The following TMEM178B variants were observed in gnomAD, a reference collection of about 807,000 sequenced individuals.
The protein encoded by TMEM178B is transmembrane protein 178B.
In TMEM178B, 5 loss-of-function variants were observed where a neutral mutation model predicts 31.0. The ratio of observed to expected loss-of-function variants is 0.16; its 90% CI spans 0.08 to 0.34. The LOEUF (loss-of-function observed/expected upper bound fraction) is 0.34. Among genes scored for constraint, TMEM178B ranks in the 10% least tolerant of loss-of-function variants. TMEM178B has a pLI of 1.00. For missense variants in TMEM178B, 275 were observed against 400.3 expected (o/e 0.69, Z 2.67); for synonymous variants, 164 against 164.0 (o/e 1.00, Z 0.00).
intron 2 of TMEM178B, among the ~76,000 whole-genome samples, chr7:141,243,098 G>A (rs545941999): frequency 8.5e-5 from 13 of 152,172 alleles, no homozygotes; most frequent in Admixed American, 2.0e-4. Flanking sequence ...TTTCATTCAC[G>A]TTAAATAAAG....
intron 2 of TMEM178B, among the ~76,000 whole-genome samples, chr7:141,374,483 A>G (rs1159704536): frequency 6.6e-6 from 1 of 152,218 alleles, no homozygotes; most frequent in Non-Finnish European, 1.5e-5. Flanking sequence ...GGAGAGAAGC[A>G]TACACAGGTG....
chr7:141,193,420 G>A (rs142628570), intron 1 of TMEM178B, among the ~76,000 whole-genome samples: 150 of 152,336 alleles, frequency 9.8e-4, no homozygotes, highest in Non-Finnish European at 1.8e-3. Flanking sequence ...TTATGCAGAG[G>A]AGTTGGGCAG....
chr7:141,197,440 G>A (rs1415615913), intron 1 of TMEM178B, among the ~76,000 whole-genome samples: 1 of 152,126 alleles, frequency 6.6e-6, no homozygotes, highest in African/African-American at 2.4e-5. Flanking sequence ...TTTCAGTTCT[G>A]TTTTTGAATT....
At chr7:141,300,350 A>G (rs1798702706) in intron 2 of TMEM178B, among the ~76,000 whole-genome samples, 1 of 152,122 alleles carries the variant, frequency 6.6e-6, no homozygotes. Context: ...CATGGGACTC[A>G]TGTATCTGTG....
At chr7:141,464,333 G>A (rs983308295) in intron 3 of TMEM178B, among the ~76,000 whole-genome samples, 2 of 152,174 alleles carry the variant, frequency 1.3e-5, no homozygotes, top group South Asian at 2.1e-4. Context: ...TATGACTCAC[G>A]CTCTTCCTAG....
At chr7:141,197,299 G>T (rs999117542) in intron 1 of TMEM178B, among the ~76,000 whole-genome samples, 4 of 152,154 alleles carry the variant, frequency 2.6e-5, no homozygotes, top group African/African-American at 9.7e-5. Context: ...ATTTGGCCAA[G>T]ATCCCATATC....
At chr7:141,083,345 C>T (rs951667214) in intron 1 of TMEM178B, among the ~76,000 whole-genome samples, 1 of 152,024 alleles carries the variant, frequency 6.6e-6, no homozygotes, top group Non-Finnish European at 1.5e-5. Flanking sequence ...ATTCTATAAA[C>T]TCCAAGCCCT....
intron 1 of TMEM178B, among the ~76,000 whole-genome samples, chr7:141,204,248 G>A (rs1401067852): frequency 6.6e-6 from 1 of 152,216 alleles, no homozygotes; most frequent in Non-Finnish European, 1.5e-5. Context: ...ACTACTGTGA[G>A]CGTCAGGTTC....
At chr7:141,372,622 A>G (rs765028070) in intron 2 of TMEM178B, among the ~76,000 whole-genome samples, 33 of 152,134 alleles carry the variant, frequency 2.2e-4, no homozygotes, top group Non-Finnish European at 2.8e-4. Context: ...CCTCATCTAT[A>G]TGGGTTTTAT....
rs770254952 is a variant in TMEM178B at position 141,169,625 on chromosome 7, A to G, written c.383-42966A>G. Among the ~76,000 whole-genome samples the G allele has an allele frequency of 4.4e-4, 67 of 152,254 alleles. 1 individual carries two copies. Among genetic ancestry groups the G allele is most frequent in the Middle Eastern group, 6.3e-3 (2 of 316 alleles). ...AAGAATCATCCACATGCTTGCTTGTAGCATTTCCTCAGTATTTATGGAGAA... is the reference window on the plus strand; with the variant it reads ...AAGAATCATCCACATGCTTGCTTGTGGCATTTCCTCAGTATTTATGGAGAA... On this transcript the variant is annotated intron_variant, in intron 1 of 3. Transcript: ENST00000565468.
intron 3 of TMEM178B, among the ~76,000 whole-genome samples, chr7:141,462,705 C>G (rs150687783): frequency 6.6e-6 from 1 of 151,926 alleles, no homozygotes; most frequent in Non-Finnish European, 1.5e-5. Flanking sequence ...GTGAAGGAGA[C>G]GGAGGAGGCA....
intron 2 of TMEM178B, among the ~76,000 whole-genome samples, chr7:141,436,631 G>T (rs1801546996): frequency 1.3e-5 from 2 of 152,034 alleles, no homozygotes; most frequent in East Asian, 3.9e-4. Flanking sequence ...GCCCGGAGCT[G>T]GTGGGGGCTG....
At chr7:141,080,876 A>T (rs1172802522) in intron 1 of TMEM178B, among the ~76,000 whole-genome samples, 1 of 152,118 alleles carries the variant, frequency 6.6e-6, no homozygotes. Context: ...GCAGCAACCC[A>T]TTACTCCTGT....
intron 2 of TMEM178B, among the ~76,000 whole-genome samples, chr7:141,299,758 G>C (rs989292270): frequency 6.6e-6 from 1 of 152,234 alleles, no homozygotes; most frequent in Non-Finnish European, 1.5e-5. Context: ...CTGGAAATCA[G>C]TTCTGTGAGG....
At chr7:141,128,046 A>G (rs1040811244) in intron 1 of TMEM178B, among the ~76,000 whole-genome samples, 2 of 152,274 alleles carry the variant, frequency 1.3e-5, no homozygotes, top group East Asian at 1.9e-4. Context: ...TTATTCCTGT[A>G]TTGATAAGGT....
chr7:141,149,114 G>C lies in TMEM178B; in HGVS notation c.383-63477G>C, dbSNP rs190828230. Among the ~76,000 whole-genome samples, 8 of 152,248 alleles carry C rather than the reference G, an allele frequency of 5.3e-5. No individual in the cohort carries two copies. In the South Asian group the frequency reaches 1.0e-3, roughly 20 times the overall value. On this transcript the variant is annotated intron_variant, in intron 1 of 3. Transcript: ENST00000565468. ...TGTGCTAAGGTTTTGTTGTAGGAGG[G>C]GTCAAGAGTGGAACAGGGAGACTAG...
At chr7:141,432,316 C>T (rs568529366) in intron 2 of TMEM178B, among the ~76,000 whole-genome samples, 21 of 152,090 alleles carry the variant, frequency 1.4e-4, no homozygotes, top group South Asian at 6.3e-4. Flanking sequence ...CCACCATGCC[C>T]GGCTAATTTT....
At chr7:141,105,213 A>G (rs1161936289) in intron 1 of TMEM178B, among the ~76,000 whole-genome samples, 1 of 152,180 alleles carries the variant, frequency 6.6e-6, no homozygotes, top group Admixed American at 6.5e-5. Flanking sequence ...GATTTTATTT[A>G]AAAGAGGGAA....
chr7:141,339,923 A>G (rs1799487971), intron 2 of TMEM178B, among the ~76,000 whole-genome samples: 1 of 152,274 alleles, frequency 6.6e-6, no homozygotes, highest in Admixed American at 6.5e-5. Flanking sequence ...TCATTTTGTC[A>G]GTCTTGGAGT....
Sources: allele counts gnomAD v4.1 joint callset (sites outside exome capture counted in the v4.1 genomes callset), GRCh38; gene constraint gnomAD v4.1.1; transcripts MANE v1.5; gene names NCBI Gene and HGNC (gene_info 2026-07-23, HGNC 2026-07-21).